Variants in STXBP6 observed in about 807,000 individuals in gnomAD.
The protein encoded by STXBP6 is syntaxin binding protein 6.
In STXBP6, 21 loss-of-function variants were observed where a neutral mutation model predicts 26.9. The observed-to-expected ratio is 0.78, with a 90% CI of 0.55 to 1.12. The LOEUF (loss-of-function observed/expected upper bound fraction) is 1.12. Among genes scored for constraint, STXBP6 ranks in the 50% most tolerant of loss-of-function variants. STXBP6 has a pLI of 0.00. For missense variants in STXBP6, 232 were observed against 257.9 expected (o/e 0.90, Z 0.69); for synonymous variants, 97 against 92.6 (o/e 1.05, Z -0.27).
chr14:25,000,774 G>A (rs1344315126), intron 1 of STXBP6, among the ~76,000 whole-genome samples: 2 of 150,790 alleles, frequency 1.3e-5, no homozygotes, highest in East Asian at 4.0e-4. Flanking sequence ...CACCGAGAAG[G>A]AAGGAATGCA....
chr14:25,043,659 T>C (rs2075677423), intron 1 of STXBP6, among the ~76,000 whole-genome samples: 1 of 152,212 alleles, frequency 6.6e-6, no homozygotes. Context: ...CACTGTGGAT[T>C]TTCCTATTGC....
At chr14:25,027,637 T>A (rs1014645730) in intron 1 of STXBP6, among the ~76,000 whole-genome samples, 1 of 152,178 alleles carries the variant, frequency 6.6e-6, no homozygotes, top group Admixed American at 6.5e-5. Context: ...ACTCTAAGTG[T>A]TCAAATAAAG....
Position 25,049,582 on chromosome 14 carries a change from G to T in STXBP6, c.-33+296C>A. 1 of 985,466 alleles carries T rather than the reference G, an allele frequency of 1.0e-6. No individual in the cohort carries two copies. Among genetic ancestry groups the T allele is most frequent in the Non-Finnish European group, 1.2e-6 (1 of 830,008 alleles). The allele number at this position is 985,466 out of a possible 1,614,324, so 61.0% of individuals were successfully genotyped here. A position where few individuals can be genotyped will look rare whatever the true frequency, so the allele number is the denominator to read the frequency against. On this transcript the variant is annotated intron_variant, in intron 1 of 5. Transcript: ENST00000323944. This position sits in a 1 kb window ranked among gnomAD's most constrained non-coding sequence, Gnocchi z 5.6. ...ATCCTCAACTTTCTCGGAGGAAATC[G>T]CTCCGTTCTGCGGCTTGCCCAATAC...
chr14:25,021,243 A>G (rs1005065574), intron 1 of STXBP6, among the ~76,000 whole-genome samples: 3 of 151,996 alleles, frequency 2.0e-5, no homozygotes, highest in East Asian at 1.9e-4. Flanking sequence ...TCTTAGGCCA[A>G]CCACTCCATT....
At chr14:24,956,108 C>T (rs1179930130) in intron 2 of STXBP6, among the ~76,000 whole-genome samples, 3 of 151,878 alleles carry the variant, frequency 2.0e-5, no homozygotes, top group South Asian at 4.2e-4. Context: ...AAATGGGAGA[C>T]AGTTGGGTAA....
chr14:24,913,694 T>C (rs950271047), intron 2 of STXBP6, among the ~76,000 whole-genome samples: 1 of 152,194 alleles, frequency 6.6e-6, no homozygotes, highest in African/African-American at 2.4e-5. Flanking sequence ...CTATAGTATA[T>C]AATTTCCATG....
chr14:24,908,517 C>T (rs2071459848), intron 2 of STXBP6, among the ~76,000 whole-genome samples: 1 of 152,178 alleles, frequency 6.6e-6, no homozygotes, highest in Non-Finnish European at 1.5e-5. Flanking sequence ...GGGTCTGGGC[C>T]CACTACCCCT....
intron 2 of STXBP6, among the ~76,000 whole-genome samples, chr14:24,963,888 C>T (rs2073633632): frequency 6.6e-6 from 1 of 151,052 alleles, no homozygotes; most frequent in Non-Finnish European, 1.5e-5. Flanking sequence ...ATAAAATCTC[C>T]TGCTCCGTAA....
intron 1 of STXBP6, among the ~76,000 whole-genome samples, chr14:25,003,964 G>A (rs1271053534): frequency 1.3e-5 from 2 of 152,190 alleles, no homozygotes; most frequent in African/African-American, 4.8e-5. Context: ...CATTTATTGT[G>A]CCATACATAA....
intron 4 of STXBP6, among the ~76,000 whole-genome samples, chr14:24,833,445 A>C (rs917002219): frequency 6.6e-6 from 1 of 152,252 alleles, no homozygotes; most frequent in Non-Finnish European, 1.5e-5. Flanking sequence ...TGATTACAAG[A>C]ATAATCCCTT....
intron 2 of STXBP6, among the ~76,000 whole-genome samples, chr14:24,880,126 T>C (rs1433263597): frequency 1.3e-5 from 2 of 152,230 alleles, no homozygotes; most frequent in Non-Finnish European, 2.9e-5. Context: ...CTCCTTGTCA[T>C]GTCCCGAGTT....
chr14:24,917,685 CT>C (rs2071817931), intron 2 of STXBP6, among the ~76,000 whole-genome samples: 1 of 151,918 alleles, frequency 6.6e-6, no homozygotes, highest in South Asian at 2.1e-4. Flanking sequence ...TCTTTATTAC[CT>C]TGCATTAGAC....
chr14:25,014,982 A>T (rs542373166), intron 1 of STXBP6, among the ~76,000 whole-genome samples: 2 of 152,324 alleles, frequency 1.3e-5, no homozygotes, highest in South Asian at 4.1e-4. Flanking sequence ...TTACTTTTAA[A>T]TCACTTATAT....
intron 1 of STXBP6, among the ~76,000 whole-genome samples, chr14:25,044,745 T>C (rs920173387): frequency 1.1e-4 from 16 of 152,264 alleles, no homozygotes; most frequent in African/African-American, 2.4e-5. Context: ...CTGGGCTTAA[T>C]AGGTTCTTTG....
At chr14:24,992,451 C>T (rs946595601) in intron 1 of STXBP6, among the ~76,000 whole-genome samples, 4 of 152,052 alleles carry the variant, frequency 2.6e-5, no homozygotes, top group Non-Finnish European at 5.9e-5. Context: ...ACTTACCAGC[C>T]GACATAAAAC....
At chr14:25,036,390 G>C (rs993620450) in intron 1 of STXBP6, among the ~76,000 whole-genome samples, 8 of 152,160 alleles carry the variant, frequency 5.3e-5, no homozygotes, top group Non-Finnish European at 1.2e-4. Flanking sequence ...TCTTTCTTCC[G>C]GACCCTTGGG....
intron 4 of STXBP6, among the ~76,000 whole-genome samples, chr14:24,833,104 T>C (rs1184765012): frequency 6.6e-6 from 1 of 152,216 alleles, no homozygotes; most frequent in Admixed American, 6.5e-5. Context: ...CATGGTTTCT[T>C]AGAGGTTCAC....
intron 1 of STXBP6, among the ~76,000 whole-genome samples, chr14:24,981,009 C>A (rs1174981136): frequency 6.6e-6 from 1 of 152,174 alleles, no homozygotes; most frequent in East Asian, 1.9e-4. Flanking sequence ...TTCTGCTATA[C>A]AACCAGGTCC....
At chr14:24,865,890 A>G (rs1376695695) in intron 2 of STXBP6, among the ~76,000 whole-genome samples, 1 of 152,170 alleles carries the variant, frequency 6.6e-6, no homozygotes, top group South Asian at 2.1e-4. Context: ...CATACTATAC[A>G]TGAAGTAGTG....
Sources: gnomAD v4.1 joint callset for allele counts (sites outside exome capture counted in the v4.1 genomes callset) on GRCh38, gnomAD v4.1.1 for gene constraint, Gnocchi (gnomAD v3.1) non-coding constraint, MANE v1.5 for transcripts, NCBI Gene and HGNC (gene_info 2026-07-23, HGNC 2026-07-21) for gene names.